ADAMTS6: variants seen among roughly 807,000 people sequenced by gnomAD.
ADAMTS6 encodes ADAM metallopeptidase with thrombospondin type 1 motif 6.
Under a neutral mutation model 144.3 loss-of-function variants are expected in ADAMTS6, and 23 were observed. The ratio of observed to expected loss-of-function variants is 0.16; its 90% CI spans 0.11 to 0.23. The LOEUF is 0.23. Among genes scored for constraint, ADAMTS6 ranks in the 10% least tolerant of loss-of-function variants. ADAMTS6 has a pLI of 1.00. For missense variants in ADAMTS6, 999 were observed against 1,379.6 expected (o/e 0.72, Z 4.37); for synonymous variants, 444 against 457.5 (o/e 0.97, Z 0.38).
intron 7 of ADAMTS6, among the ~76,000 whole-genome samples, chr5:65,418,862 T>G (rs1385882074): frequency 6.6e-6 from 1 of 151,990 alleles, no homozygotes; most frequent in African/African-American, 2.4e-5. Flanking sequence ...CATCTCACAC[T>G]AGTCAGAATG....
chr5:65,354,674 T>C (rs890436691), intron 7 of ADAMTS6, among the ~76,000 whole-genome samples: 1 of 151,782 alleles, frequency 6.6e-6, no homozygotes, highest in South Asian at 2.1e-4. Flanking sequence ...TTTCGCTCAG[T>C]AAACTACTTT....
At chr5:65,342,786 T>C (rs569960515) in intron 7 of ADAMTS6, among the ~76,000 whole-genome samples, 1 of 152,150 alleles carries the variant, frequency 6.6e-6, no homozygotes, top group South Asian at 2.1e-4. Flanking sequence ...GATGACATAA[T>C]CTTATATATA....
At chr5:65,417,726 A>G (rs1295898933) in intron 7 of ADAMTS6, among the ~76,000 whole-genome samples, 2 of 152,186 alleles carry the variant, frequency 1.3e-5, no homozygotes, top group Non-Finnish European at 2.9e-5. Flanking sequence ...TAAATAAATC[A>G]TAGATGACAC....
At position 65,194,578 on chromosome 5, in the gene ADAMTS6, T is replaced by C. The variant is rs564620032; in HGVS notation, c.2705+2444A>G. Among the ~76,000 whole-genome samples the C allele has an allele frequency of 9.7e-4, 148 of 152,322 alleles. No homozygotes were observed. In the Middle Eastern group the frequency reaches 0.017, roughly 18 times the overall value. On this transcript the variant is annotated intron_variant, in intron 21 of 24. Transcript: ENST00000381055. The stretch of plus-strand genomic sequence containing the variant: ...GTAATCCCACCACAAGTCAAGCATA[T>C]ATAACCATTTTGAAGAATTAAAATT...
chr5:65,468,013 TA>T (rs1760156262), intron 3 of ADAMTS6, among the ~76,000 whole-genome samples: 2 of 152,104 alleles, frequency 1.3e-5, no homozygotes, highest in Admixed American at 6.5e-5. Flanking sequence ...AAAGAAACGA[TA>T]TTTTTTTTCG....
At chr5:65,317,700 A>G (rs1745149806) in intron 9 of ADAMTS6, among the ~76,000 whole-genome samples, 1 of 152,208 alleles carries the variant, frequency 6.6e-6, no homozygotes, top group African/African-American at 2.4e-5. Flanking sequence ...AAGAGCTCAA[A>G]CAACTCTACA....
At chr5:65,284,133 CAAT>C (rs1763189900) in intron 11 of ADAMTS6, among the ~76,000 whole-genome samples, 1 of 151,954 alleles carries the variant, frequency 6.6e-6, no homozygotes, top group African/African-American at 2.4e-5. Context: ...AATAACAATG[CAAT>C]AATAACTGAA....
chr5:65,212,423 C>CTTTTT (rs397881866), intron 20 of ADAMTS6, among the ~76,000 whole-genome samples: 1 of 107,860 alleles, frequency 9.3e-6, no homozygotes, highest in Non-Finnish European at 1.8e-5. Context: ...TTTTCTCTCT[C>CTTTTT]TTTTTTTTTT....
chr5:65,473,863 C>T lies in ADAMTS6; in HGVS notation c.-190G>A. 2.0e-6 allele frequency: 1 copy of T among 493,878 alleles called. No individual in the cohort carries two copies. Among genetic ancestry groups the T allele is most frequent in the South Asian group, 4.3e-5 (1 of 23,222 alleles). The allele number at this position is 493,878 out of a possible 1,614,324, so 30.6% of individuals were successfully genotyped here. ...TCTTCTATATCTGGATTCATTTTCT[C>T]AATCCAAAATGAAAAAAATAATGAT... is the stretch of plus-strand genomic sequence containing the variant. On this transcript the variant is annotated 5_prime_UTR_variant, in exon 2 of 25. The change abolishes the stop of an existing upstream ORF in the 5' untranslated region. Transcript: ENST00000381055.
At chr5:65,275,420 G>GAAAGAAAGA (rs1561364629) in intron 11 of ADAMTS6, among the ~76,000 whole-genome samples, 2 of 135,506 alleles carry the variant, frequency 1.5e-5, no homozygotes, top group African/African-American at 5.6e-5. Context: ...AGAAAGAAAA[G>GAAAGAAAGA]AAAGAAAGAA....
chr5:65,275,391 G>GAAAGAAAGAAAGAAAGAAAGA (rs1561364182), intron 11 of ADAMTS6, among the ~76,000 whole-genome samples: 1 of 132,988 alleles, frequency 7.5e-6, no homozygotes, highest in African/African-American at 2.9e-5. Flanking sequence ...AAGAAAGAAA[G>GAAAGAAAGAAAGAAAGAAAGA]AAAGAAAGAA....
intron 14 of ADAMTS6, 88 bp downstream of exon 14, chr5:65,260,512 C>T: frequency 9.6e-7 from 1 of 1,038,932 alleles, no homozygotes; most frequent in Non-Finnish European, 1.5e-6. Flanking sequence ...ACATGTATTT[C>T]TTATCAAATA....
chr5:65,179,943 CAT>C (rs1646166943), intron 22 of ADAMTS6, among the ~76,000 whole-genome samples: 2 of 107,254 alleles, frequency 1.9e-5, no homozygotes, highest in South Asian at 5.3e-4. Flanking sequence ...CAAACACACA[CAT>C]GTGCACGCAC....
chr5:65,398,151 C>T (rs371653247), intron 7 of ADAMTS6, among the ~76,000 whole-genome samples: 23 of 152,202 alleles, frequency 1.5e-4, no homozygotes, highest in African/African-American at 3.1e-4. Flanking sequence ...AGCTGATTGA[C>T]GGTGTTGTTG....
intron 9 of ADAMTS6, among the ~76,000 whole-genome samples, chr5:65,303,409 T>A (rs1401397454): frequency 6.6e-6 from 1 of 152,104 alleles, no homozygotes; most frequent in African/African-American, 2.4e-5. Flanking sequence ...AAAAAATACA[T>A]CCAATTAATG....
intron 21 of ADAMTS6, among the ~76,000 whole-genome samples, chr5:65,191,838 G>C (rs1755033618): frequency 6.6e-6 from 1 of 152,042 alleles, no homozygotes; most frequent in South Asian, 2.1e-4. Context: ...TGAAGTTGTA[G>C]CAACTGAGAA....
chr5:65,161,024 TTCTC>T (rs752639868), intron 24 of ADAMTS6, among the ~76,000 whole-genome samples: 6 of 151,564 alleles, frequency 4.0e-5, no homozygotes, highest in East Asian at 3.9e-4. Flanking sequence ...CTAGAACCTC[TTCTC>T]TCTCTCTTTT....
intron 14 of ADAMTS6, among the ~76,000 whole-genome samples, chr5:65,247,120 TCTC>T (rs950004430): frequency 3.3e-5 from 5 of 152,088 alleles, no homozygotes; most frequent in African/African-American, 1.2e-4. Context: ...CCAAGCGTCT[TCTC>T]CTTTAAAAAA....
intron 7 of ADAMTS6, among the ~76,000 whole-genome samples, chr5:65,448,595 G>A (rs1758464515): frequency 6.6e-6 from 1 of 151,992 alleles, no homozygotes. Flanking sequence ...TGGGACTACA[G>A]GCGCCCGCAA....
Sources: allele counts gnomAD v4.1 joint callset (sites outside exome capture counted in the v4.1 genomes callset), GRCh38; gene constraint gnomAD v4.1.1; transcripts MANE v1.5; gene names NCBI Gene and HGNC (gene_info 2026-07-23, HGNC 2026-07-21).